Variants in LRRC8C observed in about 807,000 individuals in gnomAD.
LRRC8C encodes volume-regulated anion channel subunit LRRC8C.
In LRRC8C, 20 loss-of-function variants were observed where a neutral mutation model predicts 55.3. The ratio of observed to expected loss-of-function variants is 0.36; its 90% CI spans 0.25 to 0.53. The LOEUF (loss-of-function observed/expected upper bound fraction) is 0.53. Ranked by LOEUF, LRRC8C falls within the 20% of genes least tolerant of loss-of-function variation. The pLI is 0.92. For synonymous variants in LRRC8C, 376 were observed against 360.7 expected (o/e 1.04, Z -0.48); for missense variants, 659 against 951.4 (o/e 0.69, Z 4.04).
At chr1:89,681,807 A>G (rs768214473) in intron 1 of LRRC8C, among the ~76,000 whole-genome samples, 1 of 152,218 alleles carries the variant, frequency 6.6e-6, no homozygotes, top group Non-Finnish European at 1.5e-5. Context: ...CAGCCAAACC[A>G]TATCAATCTG....
intron 1 of LRRC8C, among the ~76,000 whole-genome samples, chr1:89,683,584 C>T (rs902716246): frequency 6.6e-6 from 1 of 152,038 alleles, no homozygotes; most frequent in African/African-American, 2.4e-5. Flanking sequence ...TCTTGATCTC[C>T]TGACCTCATG....
At chr1:89,639,153 T>C (rs960697316) in intron 1 of LRRC8C, among the ~76,000 whole-genome samples, 9 of 151,686 alleles carry the variant, frequency 5.9e-5, no homozygotes, top group African/African-American at 2.2e-4. Context: ...GTCTGGCTAA[T>C]TTTTTGTCTT....
At chr1:89,681,747 C>T (rs1401801142) in intron 1 of LRRC8C, among the ~76,000 whole-genome samples, 5 of 152,174 alleles carry the variant, frequency 3.3e-5, no homozygotes, top group Non-Finnish European at 7.3e-5. Context: ...CCTCCGATGA[C>T]ACAGGGGGAT....
At chr1:89,678,012 T>A (rs1264402023) in intron 1 of LRRC8C, among the ~76,000 whole-genome samples, 2 of 152,234 alleles carry the variant, frequency 1.3e-5, no homozygotes, top group Admixed American at 1.3e-4. Context: ...GATGACTTTT[T>A]GATTTGTGGA....
chr1:89,653,077 G>T (rs1258682869), intron 1 of LRRC8C, among the ~76,000 whole-genome samples: 3 of 152,170 alleles, frequency 2.0e-5, no homozygotes. Context: ...TACTCTGAAT[G>T]AGATGAGGAA....
chr1:89,661,510 G>C (rs1193946215), intron 1 of LRRC8C, among the ~76,000 whole-genome samples: 4 of 152,172 alleles, frequency 2.6e-5, no homozygotes, highest in African/African-American at 9.7e-5. Flanking sequence ...TAGCCACCAG[G>C]CTCTGGCCTA....
intron 1 of LRRC8C, among the ~76,000 whole-genome samples, chr1:89,679,283 G>C (rs1276944011): frequency 6.6e-6 from 1 of 152,224 alleles, no homozygotes; most frequent in African/African-American, 2.4e-5. Context: ...GCTAGGTGCA[G>C]TGGCTCATGC....
chr1:89,621,984 C>A, the LRRC8C span, among the ~76,000 whole-genome samples: 79,443 of 151,978 alleles, frequency 0.52, 21,985 homozygotes, highest in East Asian at 0.74. Flanking sequence ...GAAATATATT[C>A]ACTGTAGAGA....
At chr1:89,691,499 A>G (rs1658027324) in intron 2 of LRRC8C, among the ~76,000 whole-genome samples, 1 of 152,230 alleles carries the variant, frequency 6.6e-6, no homozygotes, top group African/African-American at 2.4e-5. Context: ...ACATTCCCAC[A>G]CAGCAGAATT....
the LRRC8C span, among the ~76,000 whole-genome samples, chr1:89,620,598 A>G: frequency 1.5e-5 from 2 of 135,940 alleles, no homozygotes; most frequent in Non-Finnish European, 3.2e-5. Context: ...AAAAAAAAAA[A>G]TAGGCGATTT....
intron 2 of LRRC8C, among the ~76,000 whole-genome samples, chr1:89,709,603 G>A (rs772323392): frequency 1.3e-5 from 2 of 152,152 alleles, no homozygotes; most frequent in Non-Finnish European, 2.9e-5. Flanking sequence ...TCAGGCAGGG[G>A]TACAGAAATG....
At chr1:89,645,790 A>G (rs191988050) in intron 1 of LRRC8C, among the ~76,000 whole-genome samples, 3 of 152,162 alleles carry the variant, frequency 2.0e-5, no homozygotes, top group African/African-American at 7.2e-5. Flanking sequence ...AGAGCCTCAA[A>G]TATTTGTAAA....
At chr1:89,661,288 C>T in intron 1 of LRRC8C, 1 of 327,090 alleles carries the variant, frequency 3.1e-6, no homozygotes, top group South Asian at 3.1e-5. Flanking sequence ...TCATTGGGAG[C>T]CAGTTTGTTC....
Position 89,713,575 on chromosome 1 carries a change from T to C in LRRC8C, c.1005T>C (p.Leu335=). Residue 335 remains leucine, a synonymous_variant, in exon 3 of 3, where the codon CTT becomes CTC. Coordinates refer to ENST00000370454, the MANE Select transcript of LRRC8C (RefSeq NM_032270.5). The surrounding 1 kb of genome is among the most constrained non-coding windows in gnomAD (Gnocchi z 5.2). ...CFVSIYGLTC[L]YTLYWLFYRS... is the part of the protein sequence containing the mutation. Reference sequence around the variant, plus strand: ...TTAGTATCTATGGATTGACGTGCCTTTATACCTTATACTGGCTGTTCTACC... The same window carrying C: ...TTAGTATCTATGGATTGACGTGCCTCTATACCTTATACTGGCTGTTCTACC... The C allele has an allele frequency of 1.2e-6, 2 of 1,614,166 alleles. No homozygotes were observed. Among genetic ancestry groups the C allele is most frequent in the Non-Finnish European group, 8.5e-7 (1 of 1,179,998 alleles).
intron 2 of LRRC8C, among the ~76,000 whole-genome samples, chr1:89,712,097 G>A (rs983691503): frequency 4.6e-5 from 7 of 152,142 alleles, no homozygotes. Context: ...GATTCTCCCA[G>A]AATCCAGTGA....
chr1:89,665,903 T>A (rs10922689), intron 1 of LRRC8C, among the ~76,000 whole-genome samples: 38 of 152,178 alleles, frequency 2.5e-4, no homozygotes, highest in Non-Finnish European at 4.6e-4. Flanking sequence ...CATTTTTATT[T>A]TACCTTTCCT....
chr1:89,673,343 A>G (rs1657472144), intron 1 of LRRC8C, among the ~76,000 whole-genome samples: 2 of 152,190 alleles, frequency 1.3e-5, no homozygotes, highest in African/African-American at 2.4e-5. Flanking sequence ...AAGTTGATAC[A>G]TTACTAGACT....
chr1:89,623,201 T>A, the LRRC8C span, among the ~76,000 whole-genome samples: 1 of 150,388 alleles, frequency 6.6e-6, no homozygotes, highest in Non-Finnish European at 1.5e-5. Flanking sequence ...CACACACACA[T>A]TCTTTAATGT....
chr1:89,645,343 T>C (rs1297905036), intron 1 of LRRC8C, among the ~76,000 whole-genome samples: 2 of 151,620 alleles, frequency 1.3e-5, no homozygotes, highest in South Asian at 2.1e-4. Flanking sequence ...GAGAAAATGA[T>C]TGAAAAAAAA....
Sources: gnomAD v4.1 joint callset for allele counts (sites outside exome capture counted in the v4.1 genomes callset) on GRCh38, gnomAD v4.1.1 for gene constraint, Gnocchi (gnomAD v3.1) non-coding constraint, MANE v1.5 for transcripts, NCBI Gene and HGNC (gene_info 2026-07-23, HGNC 2026-07-21) for gene names.